TMEM150C: variants seen among roughly 807,000 people sequenced by gnomAD.
TMEM150C encodes tentonin 3.
Under a neutral mutation model 29.9 loss-of-function variants are expected in TMEM150C, and 10 were observed. The observed-to-expected ratio is 0.33, with a 90% confidence interval of 0.21 to 0.57. TMEM150C has a LOEUF of 0.57. Ranked by LOEUF, TMEM150C falls within the 20% of genes least tolerant of loss-of-function variation. TMEM150C has a pLI of 0.88. For missense variants in TMEM150C, 251 were observed against 303.6 expected (o/e 0.83, Z 1.29); for synonymous variants, 101 against 112.5 (o/e 0.90, Z 0.64).
chr4:82,519,583 C>T (rs995321728), intron 1 of TMEM150C, among the ~76,000 whole-genome samples: 5 of 151,946 alleles, frequency 3.3e-5, no homozygotes, highest in South Asian at 4.2e-4. Context: ...CGTGTGACCA[C>T]GCCCAGCTAA....
chr4:82,528,149 A>G (rs1724714718), intron 1 of TMEM150C, among the ~76,000 whole-genome samples: 1 of 152,242 alleles, frequency 6.6e-6, no homozygotes, highest in African/African-American at 2.4e-5. Flanking sequence ...TACTACAGGA[A>G]CATGGAGGAG....
chr4:82,495,839 C>A, intron 6 of TMEM150C: 1 of 541,550 alleles, frequency 1.8e-6, no homozygotes, highest in Non-Finnish European at 3.3e-6. Context: ...CGTTCATCTT[C>A]CACTTTAATG....
intron 1 of TMEM150C, among the ~76,000 whole-genome samples, chr4:82,535,113 A>G (rs1724964506): frequency 6.6e-6 from 1 of 152,152 alleles, no homozygotes; most frequent in Admixed American, 6.5e-5. Flanking sequence ...CTGATGCTAC[A>G]TGGTTGTCTT....
chr4:82,561,379 G>C (rs1725918455), intron 1 of TMEM150C, among the ~76,000 whole-genome samples: 1 of 152,230 alleles, frequency 6.6e-6, no homozygotes. Context: ...AAGCAAGTTA[G>C]TGCCTCCTTC....
chr4:82,512,801 T>A (rs1262324671), intron 1 of TMEM150C, among the ~76,000 whole-genome samples: 2 of 152,150 alleles, frequency 1.3e-5, no homozygotes, highest in Non-Finnish European at 2.9e-5. Flanking sequence ...TTATATATAT[T>A]TCACCAAAAT....
At chr4:82,503,848 CA>C (rs1029068757) in intron 2 of TMEM150C, among the ~76,000 whole-genome samples, 4 of 140,290 alleles carry the variant, frequency 2.9e-5, no homozygotes, top group African/African-American at 5.2e-5. Flanking sequence ...GACTCCGTCT[CA>C]AAAAAAAAAC....
intron 1 of TMEM150C, among the ~76,000 whole-genome samples, chr4:82,546,798 G>A (rs1725401685): frequency 6.6e-6 from 1 of 152,172 alleles, no homozygotes; most frequent in African/African-American, 2.4e-5. Context: ...CTGCACTCTA[G>A]CCTGGGCAAC....
chr4:82,516,063 C>G (rs945447034), intron 1 of TMEM150C, among the ~76,000 whole-genome samples: 2 of 152,092 alleles, frequency 1.3e-5, no homozygotes, highest in African/African-American at 4.8e-5. Context: ...AGAGAAACAA[C>G]CAAACATGAA....
chr4:82,498,822 C>T (rs766203114), intron 5 of TMEM150C, among the ~76,000 whole-genome samples: 7 of 152,194 alleles, frequency 4.6e-5, no homozygotes, highest in Non-Finnish European at 4.4e-5. Context: ...GGACATGCAA[C>T]ATCTTCTGGT....
rs2110059358 is a variant in TMEM150C, at chr4:82,485,361, GC to G, written c.*149del. The G allele has an allele frequency of 3.1e-6, 2 of 638,436 alleles. No individual in the cohort carries two copies. The highest frequency in any genetic ancestry group is 2.7e-6 in the Non-Finnish European group (1 of 363,940). 39.5% of individuals were successfully genotyped at this position (638,436 alleles called of 1,614,324 possible). A position where few individuals can be genotyped will look rare whatever the true frequency, so the allele number is the denominator to read the frequency against. On this transcript the variant is annotated 3_prime_UTR_variant, in exon 8 of 8. Coordinates refer to ENST00000449862, the MANE Select transcript of TMEM150C (RefSeq NM_001080506.3). ...TGCTTTTTCATTAAAGAAATAACTC[GC>G]CCTGAAAAGCTCATTTGGCAAATGT...
At chr4:82,502,861 G>T (rs748393510) in intron 4 of TMEM150C, 34 bp downstream of exon 4, 1 of 1,595,472 alleles carries the variant, frequency 6.3e-7, no homozygotes, top group East Asian at 2.3e-5. Flanking sequence ...CTTTTCCTAC[G>T]GTCCCACAGG....
intron 1 of TMEM150C, among the ~76,000 whole-genome samples, chr4:82,537,715 C>T (rs981158950): frequency 6.6e-6 from 1 of 152,016 alleles, no homozygotes; most frequent in Non-Finnish European, 1.5e-5. Flanking sequence ...GACTGATGTC[C>T]TTATAAAAAA....
At chr4:82,542,550 T>G (rs528493728) in intron 1 of TMEM150C, among the ~76,000 whole-genome samples, 1 of 152,196 alleles carries the variant, frequency 6.6e-6, no homozygotes, top group African/African-American at 2.4e-5. Flanking sequence ...GAGATTCCGG[T>G]GGCCAAAAGG....
Position 82,485,418 on chromosome 4 carries a change from GAAATGAGGTTCTATGTCAAGTCC to G in TMEM150C, c.*70_*92del. ...TGAATGTGTGTGTGTGTGTGTGTGT[GAAATGAGGTTCTATGTCAAGTCC>G]TGTGAGTGTGTCCTACTGGCCCCTC... On this transcript the variant is annotated 3_prime_UTR_variant, in exon 8 of 8. Transcript: ENST00000449862. 2 of 923,570 alleles carry G rather than the reference GAAATGAGGTTCTATGTCAAGTCC, an allele frequency of 2.2e-6. No homozygotes were observed. Among genetic ancestry groups the G allele is most frequent in the Non-Finnish European group, 3.4e-6 (2 of 592,946 alleles). 57.2% of individuals were successfully genotyped at this position (923,570 alleles called of 1,614,324 possible). A position where few individuals can be genotyped will look rare whatever the true frequency, so the allele number is the denominator to read the frequency against.
intron 1 of TMEM150C, among the ~76,000 whole-genome samples, chr4:82,530,872 G>T (rs974515812): frequency 2.6e-5 from 4 of 152,170 alleles, no homozygotes; most frequent in African/African-American, 9.7e-5. Flanking sequence ...GTCTTACATG[G>T]CCGGAGCAAG....
intron 1 of TMEM150C, among the ~76,000 whole-genome samples, chr4:82,508,553 C>T (rs1460127715): frequency 6.6e-6 from 1 of 151,940 alleles, no homozygotes; most frequent in Non-Finnish European, 1.5e-5. Flanking sequence ...GCAACCTCTG[C>T]CTCCTGGGTT....
intron 1 of TMEM150C, among the ~76,000 whole-genome samples, chr4:82,506,115 A>C (rs1723912256): frequency 6.6e-6 from 1 of 152,186 alleles, no homozygotes; most frequent in African/African-American, 2.4e-5. Flanking sequence ...CAATTAAAGA[A>C]AGTTTGTTTA....
intron 1 of TMEM150C, among the ~76,000 whole-genome samples, chr4:82,506,109 TAAAG>T (rs754153955): frequency 1.3e-5 from 2 of 152,292 alleles, no homozygotes; most frequent in Non-Finnish European, 2.9e-5. Context: ...TTTTTACAAT[TAAAG>T]AAAGTTTGTT....
intron 1 of TMEM150C, among the ~76,000 whole-genome samples, chr4:82,545,513 T>C (rs991162524): frequency 6.6e-6 from 1 of 152,176 alleles, no homozygotes; most frequent in African/African-American, 2.4e-5. Flanking sequence ...TTACCACTCC[T>C]ATTTGACATA....
Sources: gnomAD v4.1 joint callset for allele counts (sites outside exome capture counted in the v4.1 genomes callset) on GRCh38, gnomAD v4.1.1 for gene constraint, MANE v1.5 for transcripts, NCBI Gene and HGNC (gene_info 2026-07-23, HGNC 2026-07-21) for gene names.